The following MFF variants were observed in gnomAD, a reference collection of about 807,000 sequenced individuals.
MFF encodes the protein chromosome 2 open reading frame 33.
A neutral mutation model predicts 36.9 loss-of-function variants in MFF; 12 were observed. That is an observed-to-expected ratio of 0.33 (90% CI 0.21 to 0.53). The LOEUF (loss-of-function observed/expected upper bound fraction) is 0.53, where lower values mean the gene tolerates loss of function less well. Among genes scored for constraint, MFF ranks in the 20% least tolerant of loss-of-function variants. MFF has a pLI of 0.95. For missense variants in MFF, 348 were observed against 366.6 expected (o/e 0.95, Z 0.42); for synonymous variants, 99 against 126.2 (o/e 0.78, Z 1.44).
At chr2:227,337,704 A>C (rs2075112410) in intron 4 of MFF, among the ~76,000 whole-genome samples, 1 of 152,194 alleles carries the variant, frequency 6.6e-6, no homozygotes, top group African/African-American at 2.4e-5. Flanking sequence ...TCCGGGATGA[A>C]TAAAACTAAG....
At chr2:227,347,739 CT>C (rs1425967162) in intron 6 of MFF, among the ~76,000 whole-genome samples, 1 of 152,178 alleles carries the variant, frequency 6.6e-6, no homozygotes, top group Non-Finnish European at 1.5e-5. Context: ...CCTCGTTAGT[CT>C]TTTGATTTAA....
At chr2:227,350,852 G>A (rs192249510) in intron 6 of MFF, among the ~76,000 whole-genome samples, 309 of 152,244 alleles carry the variant, frequency 2.0e-3, no homozygotes, top group Non-Finnish European at 3.6e-3. Context: ...CATACTTATC[G>A]TAGAAAATGG....
rs10549336 is a variant in MFF, at chr2:227,331,959, A to ATTTTTTTTTTTTT, written c.182-442_182-430dup. On this transcript the variant is annotated intron_variant, in intron 3 of 8. Coordinates refer to ENST00000304593, the MANE Select transcript of MFF (RefSeq NM_001277062.2). ...AGTGAAATGTCAATACGCTGGAAGC[A>ATTTTTTTTTTTTT]TTTTTTTTTTTTTTTTTTTTTTTTT... Among the ~76,000 whole-genome samples the ATTTTTTTTTTTTT allele has an allele frequency of 3.3e-4, 25 of 76,808 alleles. 1 individual carries two copies. Among genetic ancestry groups the ATTTTTTTTTTTTT allele is most frequent in the Middle Eastern group, 0.01 (1 of 100 alleles). The allele number at this position is 76,808 out of a possible 152,430, so 50.4% of individuals were successfully genotyped here.
At chr2:227,334,942 G>A (rs953105253) in intron 4 of MFF, among the ~76,000 whole-genome samples, 1 of 152,114 alleles carries the variant, frequency 6.6e-6, no homozygotes, top group Non-Finnish European at 1.5e-5. Context: ...GCTGAGGTGG[G>A]CAGATCACTT....
At chr2:227,347,096 T>G in intron 5 of MFF, 130 bp from the exon 6 acceptor site, 2 of 688,322 alleles carry the variant, frequency 2.9e-6, no homozygotes, top group South Asian at 2.1e-5. Flanking sequence ...ACTGTTTTCT[T>G]GTGGGGAGAG....
chr2:227,339,160 C>A (rs2075240798), intron 4 of MFF, among the ~76,000 whole-genome samples: 1 of 151,286 alleles, frequency 6.6e-6, no homozygotes, highest in African/African-American at 2.4e-5. Flanking sequence ...CATGAGCATG[C>A]CACTGCACTC....
intron 4 of MFF, among the ~76,000 whole-genome samples, chr2:227,336,431 A>G (rs928919803): frequency 6.6e-6 from 1 of 152,198 alleles, no homozygotes; most frequent in African/African-American, 2.4e-5. Flanking sequence ...AGAGCACTGA[A>G]CCCCAGATAT....
chr2:227,326,972 G>A (rs1481791499), intron 1 of MFF, among the ~76,000 whole-genome samples: 1 of 152,142 alleles, frequency 6.6e-6, no homozygotes, highest in African/African-American at 2.4e-5. Context: ...TACACTTTCC[G>A]CTAGTGGCAT....
At chr2:227,343,889 G>A (rs1468672458) in intron 5 of MFF, among the ~76,000 whole-genome samples, 3 of 152,160 alleles carry the variant, frequency 2.0e-5, no homozygotes, top group Non-Finnish European at 4.4e-5. Flanking sequence ...CCGGGTTCAA[G>A]CGATTCTCCT....
intron 4 of MFF, among the ~76,000 whole-genome samples, chr2:227,335,942 C>T (rs756225432): frequency 8.5e-5 from 13 of 152,202 alleles, no homozygotes; most frequent in Non-Finnish European, 1.8e-4. Context: ...TTCAATAAAC[C>T]ATGTGATCTG....
At chr2:227,342,726 A>G in intron 5 of MFF, 2 of 1,593,544 alleles carry the variant, frequency 1.3e-6, no homozygotes, top group Non-Finnish European at 1.7e-6. Flanking sequence ...ATGTAAAAGA[A>G]GCATAATTAT....
In MFF at chr2:227,340,223, T is replaced by C. The variant is rs1054843434; in HGVS notation, c.352-69T>C. The C allele has an allele frequency of 3.8e-6, 5 of 1,316,840 alleles. No homozygotes were observed. In the Admixed American group the frequency reaches 7.7e-5, roughly 20 times the overall value. 81.6% of individuals were successfully genotyped at this position (1,316,840 alleles called of 1,614,324 possible). A position where few individuals can be genotyped will look rare whatever the true frequency, so the allele number is the denominator to read the frequency against. Reference sequence around the variant, plus strand: ...TGAGTAGCCTTGTATCGAGGTTCTTTTGATGCTAAGCAGCTACTAGCCTAC... The same window carrying C: ...TGAGTAGCCTTGTATCGAGGTTCTTCTGATGCTAAGCAGCTACTAGCCTAC... On this transcript the variant is annotated intron_variant, in intron 4 of 8. Coordinates refer to ENST00000304593, the MANE Select transcript of MFF (RefSeq NM_001277062.2).
At chr2:227,330,577 A>G (rs1447197350) in intron 2 of MFF, 49 bp from the exon 3 acceptor site, 14 of 1,335,290 alleles carry the variant, frequency 1.0e-5, no homozygotes, top group Non-Finnish European at 1.5e-5. Context: ...TGCGTAGAGG[A>G]GACTGACATT....
At chr2:227,344,372 CAAAACTACAG>C (rs1271566307) in intron 5 of MFF, among the ~76,000 whole-genome samples, 2 of 152,094 alleles carry the variant, frequency 1.3e-5, no homozygotes, top group Admixed American at 6.6e-5. Context: ...GTTCACTTGT[CAAAACTACAG>C]AAACAGGAAG....
At chr2:227,351,327 A>G (rs889874519) in intron 6 of MFF, among the ~76,000 whole-genome samples, 1 of 152,198 alleles carries the variant, frequency 6.6e-6, no homozygotes, top group African/African-American at 2.4e-5. Flanking sequence ...TTCTTTAAGC[A>G]CTGGTAGTAC....
At chr2:227,331,959 A>ATTTTTTTTTTTTTTT (rs10549336) in intron 3 of MFF, among the ~76,000 whole-genome samples, 7 of 76,830 alleles carry the variant, frequency 9.1e-5, no homozygotes, top group African/African-American at 2.7e-4. Flanking sequence ...CGCTGGAAGC[A>ATTTTTTTTTTTTTTT]TTTTTTTTTT....
intron 1 of MFF, 48 bp from the exon 2 acceptor site, chr2:227,328,630 T>C (rs2074350162): frequency 6.6e-6 from 1 of 152,220 alleles, no homozygotes; most frequent in African/African-American, 2.4e-5. Flanking sequence ...GAATCCCTAA[T>C]AGTGGTTTCA....
At chr2:227,347,089 G>A (rs1024872469) in intron 5 of MFF, 137 bp from the exon 6 acceptor site, 10 of 655,878 alleles carry the variant, frequency 1.5e-5, no homozygotes, top group Admixed American at 1.4e-4. Context: ...TTCTTTGACT[G>A]TTTTCTTGTG....
intron 6 of MFF, among the ~76,000 whole-genome samples, chr2:227,348,041 C>T (rs990137406): frequency 6.6e-5 from 10 of 152,038 alleles, no homozygotes; most frequent in African/African-American, 1.4e-4. Flanking sequence ...TTTATTACTA[C>T]ATAATGTTTT....
Sources: gnomAD v4.1 joint callset for allele counts (sites outside exome capture counted in the v4.1 genomes callset) on GRCh38, gnomAD v4.1.1 for gene constraint, MANE v1.5 for transcripts, NCBI Gene and HGNC (gene_info 2026-07-23, HGNC 2026-07-21) for gene names.